CTNNA2: variants seen among roughly 807,000 people sequenced by gnomAD.
CTNNA2 encodes the protein catenin alpha-2.
A neutral mutation model predicts 101.0 loss-of-function variants in CTNNA2; 42 were observed. The observed-to-expected ratio is 0.42, with a 90% CI of 0.32 to 0.54. The LOEUF (loss-of-function observed/expected upper bound fraction) is 0.54, where lower values mean the gene tolerates loss of function less well. Among genes scored for constraint, CTNNA2 ranks in the 20% least tolerant of loss-of-function variants. The pLI, the probability that CTNNA2 is intolerant of heterozygous loss-of-function variation, is 0.14. For missense variants in CTNNA2, 871 were observed against 1,223.1 expected (o/e 0.71, Z 4.29); for synonymous variants, 450 against 456.4 (o/e 0.99, Z 0.18).
At chr2:79,784,251 A>G (rs1366209508) in intron 3 of CTNNA2, among the ~76,000 whole-genome samples, 1 of 152,060 alleles carries the variant, frequency 6.6e-6, no homozygotes, top group Non-Finnish European at 1.5e-5. Context: ...ATTGTTGGTT[A>G]AAGACCTGCA....
chr2:80,609,132 T>C (rs370114499), intron 17 of CTNNA2, among the ~76,000 whole-genome samples: 14 of 151,738 alleles, frequency 9.2e-5, no homozygotes, highest in African/African-American at 3.1e-4. Context: ...TTAGTTCTTT[T>C]CCCAGTCAGA....
rs765358924 is a variant in CTNNA2, at chr2:79,909,797, T to C, written c.1056T>C (p.Asn352=). The change falls in exon 7 of 19, where the codon AAT becomes AAC. Residue 352 remains asparagine (N), a splice_region_variant and synonymous_variant. Coordinates refer to ENST00000402739, the MANE Select transcript of CTNNA2 (RefSeq NM_001282597.3). ...ACCTGCTCAGCGAGTACATGAATAATGTAAGTCTTGGGATCTCCATTCTCA... is the reference window on the plus strand; with the variant it reads ...ACCTGCTCAGCGAGTACATGAATAACGTAAGTCTTGGGATCTCCATTCTCA... The part of the protein sequence containing the change: ...LQDLLSEYMN[N]TGRKEKGDPL... 13 of 1,597,548 alleles carry C rather than the reference T, an allele frequency of 8.1e-6. No homozygotes were observed. Among genetic ancestry groups the C allele is most frequent in the Non-Finnish European group, 1.1e-5 (13 of 1,168,656 alleles).
intron 7 of CTNNA2, among the ~76,000 whole-genome samples, chr2:80,024,041 G>C (rs1036869896): frequency 6.7e-6 from 1 of 148,458 alleles, no homozygotes. Flanking sequence ...GAGCCAAGAT[G>C]GCGCCACTGC....
At chr2:79,360,725 C>T (rs1342205800) in intron 3 of CTNNA2, among the ~76,000 whole-genome samples, 1 of 152,056 alleles carries the variant, frequency 6.6e-6, no homozygotes, top group Non-Finnish European at 1.5e-5. Context: ...GGTAAAGAAA[C>T]ACACCTCAAA....
At chr2:80,072,879 T>C (rs1442978937) in intron 7 of CTNNA2, among the ~76,000 whole-genome samples, 3 of 152,156 alleles carry the variant, frequency 2.0e-5, no homozygotes, top group Admixed American at 2.0e-4. Context: ...GGATGTTCCA[T>C]TTGATATTAT....
chr2:79,349,784 T>C (rs929806888), intron 3 of CTNNA2, among the ~76,000 whole-genome samples: 2 of 152,158 alleles, frequency 1.3e-5, no homozygotes, highest in African/African-American at 4.8e-5. Context: ...GAGAAACCAT[T>C]ATATTAGAAA....
At chr2:79,877,357 T>C (rs1683105966) in intron 6 of CTNNA2, among the ~76,000 whole-genome samples, 1 of 152,210 alleles carries the variant, frequency 6.6e-6, no homozygotes, top group African/African-American at 2.4e-5. Context: ...TAAATTAGTA[T>C]TGAATTTACA....
chr2:80,293,943 T>A (rs978921137), intron 7 of CTNNA2, among the ~76,000 whole-genome samples: 2 of 151,678 alleles, frequency 1.3e-5, no homozygotes, highest in Non-Finnish European at 2.9e-5. Flanking sequence ...GAAACTATGA[T>A]GTCAAACTTT....
chr2:79,993,243 G>A (rs941284585), intron 7 of CTNNA2, among the ~76,000 whole-genome samples: 2 of 152,164 alleles, frequency 1.3e-5, no homozygotes, highest in African/African-American at 4.8e-5. Flanking sequence ...CATGAGCATT[G>A]TGGTTAAACT....
intron 2 of CTNNA2, among the ~76,000 whole-genome samples, chr2:79,288,142 C>G (rs1275567550): frequency 6.6e-6 from 1 of 152,220 alleles, no homozygotes; most frequent in African/African-American, 2.4e-5. Context: ...CCTGTGCCCA[C>G]TGTCTGGCAC....
chr2:80,098,811 C>G (rs556726094), intron 7 of CTNNA2, among the ~76,000 whole-genome samples: 4 of 152,180 alleles, frequency 2.6e-5, no homozygotes, highest in Admixed American at 2.6e-4. Context: ...GAGCCAGGTG[C>G]GGGTTATAAC....
intron 7 of CTNNA2, among the ~76,000 whole-genome samples, chr2:80,355,955 T>TC: frequency 6.6e-6 from 1 of 151,078 alleles, no homozygotes. Context: ...CCAAAAAGAT[T>TC]CCATTTCTTA....
chr2:80,080,984 C>T (rs764795901), intron 7 of CTNNA2, among the ~76,000 whole-genome samples: 5 of 147,342 alleles, frequency 3.4e-5, no homozygotes, highest in South Asian at 4.3e-4. Context: ...AAATGCTTGC[C>T]GTGTTGCAGA....
chr2:79,237,660 C>T (rs1674573642), intron 2 of CTNNA2, among the ~76,000 whole-genome samples: 1 of 152,210 alleles, frequency 6.6e-6, no homozygotes, highest in East Asian at 1.9e-4. Flanking sequence ...TTAGCTTGAT[C>T]TTCTGGATAA....
chr2:79,912,685 C>A (rs1192573098), intron 7 of CTNNA2, among the ~76,000 whole-genome samples: 2 of 152,104 alleles, frequency 1.3e-5, no homozygotes, highest in Non-Finnish European at 2.9e-5. Flanking sequence ...AAAATAATCC[C>A]CCTTTAAGTA....
intron 18 of CTNNA2, among the ~76,000 whole-genome samples, chr2:80,623,459 G>A (rs1671351414): frequency 6.6e-6 from 1 of 151,878 alleles, no homozygotes; most frequent in Non-Finnish European, 1.5e-5. Context: ...CCATAACATT[G>A]AGGTATATAA....
At chr2:79,549,313 G>A (rs1673938530) in intron 1 of CTNNA2, among the ~76,000 whole-genome samples, 2 of 152,146 alleles carry the variant, frequency 1.3e-5, no homozygotes, top group African/African-American at 4.8e-5. Context: ...TAGCACATGG[G>A]TCGGGGCAGT....
chr2:79,794,001 T>G (rs1675497287), intron 3 of CTNNA2, among the ~76,000 whole-genome samples: 1 of 148,510 alleles, frequency 6.7e-6, no homozygotes, highest in Non-Finnish European at 1.5e-5. Flanking sequence ...GGGAAGGGGG[T>G]GAGGGATAAA....
intron 2 of CTNNA2, among the ~76,000 whole-genome samples, chr2:79,673,504 G>T (rs144243127): frequency 3.3e-5 from 5 of 152,140 alleles, no homozygotes; most frequent in African/African-American, 7.2e-5. Flanking sequence ...TAATCATTTC[G>T]TTCCTTAAAA....
Sources: gnomAD v4.1 joint callset for allele counts (sites outside exome capture counted in the v4.1 genomes callset) on GRCh38, gnomAD v4.1.1 for gene constraint, MANE v1.5 for transcripts, NCBI Gene and HGNC (gene_info 2026-07-23, HGNC 2026-07-21) for gene names.